VSNL1: variants seen among roughly 807,000 people sequenced by gnomAD.
VSNL1 encodes visinin like 1, also known as visinin-like protein 1.
Under a neutral mutation model 20.4 loss-of-function variants are expected in VSNL1, and 6 were observed. The ratio of observed to expected loss-of-function variants is 0.29; its 90% CI spans 0.16 to 0.58. VSNL1 has a LOEUF of 0.58. Among genes scored for constraint, VSNL1 ranks in the 20% least tolerant of loss-of-function variants. VSNL1 has a pLI of 0.90. For synonymous variants in VSNL1, 93 were observed against 86.4 expected (o/e 1.08, Z -0.42); for missense variants, 100 against 234.5 (o/e 0.43, Z 3.75).
At position 17,602,514 on chromosome 2, in the gene VSNL1, G is replaced by A. The variant is rs527449688; in HGVS notation, c.162+10278G>A. ...TCCCAGCACTTTGGGATGCCGAGGC[G>A]GGTGGATCACCTGAGGCCAGGAGTT... On this transcript the variant is annotated intron_variant, in intron 2 of 3. Coordinates refer to ENST00000295156, the MANE Select transcript of VSNL1 (RefSeq NM_003385.5). Among the ~76,000 whole-genome samples, 239 of 152,258 alleles carry A rather than the reference G, an allele frequency of 1.6e-3. 2 individuals are homozygous for A. Among genetic ancestry groups the A allele is most frequent in the Middle Eastern group, 0.014 (4 of 294 alleles).
intron 1 of VSNL1, among the ~76,000 whole-genome samples, chr2:17,581,007 G>A (rs1045805490): frequency 1.3e-5 from 2 of 152,154 alleles, no homozygotes; most frequent in African/African-American, 2.4e-5. Flanking sequence ...CAAACTTCCT[G>A]TGCACACAAG....
intron 2 of VSNL1, among the ~76,000 whole-genome samples, chr2:17,622,544 G>GAAAGAAAGAAAC (rs1665396148): frequency 3.4e-5 from 2 of 58,090 alleles, no homozygotes; most frequent in South Asian, 5.2e-4. Flanking sequence ...AAGAAAGAAA[G>GAAAGAAAGAAAC]AAAGAAAGAA....
intron 1 of VSNL1, among the ~76,000 whole-genome samples, chr2:17,585,324 G>A (rs1000928128): frequency 6.6e-6 from 1 of 151,834 alleles, no homozygotes; most frequent in Non-Finnish European, 1.5e-5. Flanking sequence ...CTTGGCTTCT[G>A]GAGGACAAAG....
chr2:17,632,276 GT>G (rs996643492), intron 2 of VSNL1, among the ~76,000 whole-genome samples: 3 of 150,952 alleles, frequency 2.0e-5, no homozygotes, highest in South Asian at 4.2e-4. Flanking sequence ...AATGGTCATT[GT>G]TTTTTTTTGT....
At chr2:17,638,957 G>A (rs2103419778) in intron 2 of VSNL1, among the ~76,000 whole-genome samples, 1 of 152,328 alleles carries the variant, frequency 6.6e-6, no homozygotes, top group South Asian at 2.1e-4. Context: ...ATGCCCTGGT[G>A]TGGCCATCCT....
intron 1 of VSNL1, 102 bp downstream of exon 1, chr2:17,541,020 T>TG (rs1663273504): frequency 6.6e-6 from 1 of 151,706 alleles, no homozygotes; most frequent in Admixed American, 6.6e-5. Flanking sequence ...TTTGCATAGA[T>TG]GCGTCTAAAT....
intron 1 of VSNL1, among the ~76,000 whole-genome samples, chr2:17,574,918 C>T (rs1664169721): frequency 6.6e-6 from 1 of 152,192 alleles, no homozygotes; most frequent in Admixed American, 6.5e-5. Context: ...AGGCACACAC[C>T]ACCATGCCCA....
In VSNL1 at chr2:17,630,776, A is replaced by AT. The variant is rs888002636; in HGVS notation, c.163-18625dup. On this transcript the variant is annotated intron_variant, in intron 2 of 3. Transcript: ENST00000295156. The stretch of plus-strand genomic sequence containing the variant: ...CATATATGGGGCAAAACGGCATTTT[A>AT]TTTTTTTTTAATTTATTTTTTTCAA... 4.4e-4 allele frequency among the ~76,000 whole-genome samples: 67 copies of AT among 151,772 alleles called. 1 individual carries two copies. Among genetic ancestry groups the AT allele is most frequent in the African/African-American group, 1.5e-3 (63 of 41,406 alleles).
At chr2:17,550,515 G>A (rs904853161) in intron 1 of VSNL1, among the ~76,000 whole-genome samples, 1 of 152,180 alleles carries the variant, frequency 6.6e-6, no homozygotes, top group South Asian at 2.1e-4. Flanking sequence ...AGCAACCACA[G>A]TCAAGCTCAC....
intron 1 of VSNL1, among the ~76,000 whole-genome samples, chr2:17,553,106 A>C (rs1572327491): frequency 6.6e-6 from 1 of 152,182 alleles, no homozygotes; most frequent in Non-Finnish European, 1.5e-5. Context: ...GGAAAGAAAA[A>C]GGAAAAATGG....
At chr2:17,591,930 G>A in intron 1 of VSNL1, 140 bp from the exon 2 acceptor site, 8 of 793,898 alleles carry the variant, frequency 1.0e-5, no homozygotes, top group Non-Finnish European at 1.6e-5. Context: ...AGTAGAAGGA[G>A]GCAGACTTGG....
At chr2:17,570,698 C>A (rs1189637335) in intron 1 of VSNL1, among the ~76,000 whole-genome samples, 1 of 152,080 alleles carries the variant, frequency 6.6e-6, no homozygotes, top group Admixed American at 6.6e-5. Context: ...GTGGTAGTAT[C>A]ATAATTTTAT....
chr2:17,631,321 C>G (rs553229948), intron 2 of VSNL1, among the ~76,000 whole-genome samples: 1 of 151,052 alleles, frequency 6.6e-6, no homozygotes, highest in Admixed American at 6.6e-5. Context: ...ATATAAAAAT[C>G]TAAACTTTTG....
At position 17,540,869 on chromosome 2, in the gene VSNL1, C is replaced by G. The variant is rs1178028155; in HGVS notation, c.-55C>G. 1 of 152,548 alleles carries G rather than the reference C, an allele frequency of 6.6e-6. No individual in the cohort carries two copies. The highest frequency in any genetic ancestry group is 1.5e-5 in the Non-Finnish European group (1 of 68,036). The allele number at this position is 152,548 out of a possible 1,614,324, so 9.4% of individuals were successfully genotyped here. A position where few individuals can be genotyped will look rare whatever the true frequency, so the allele number is the denominator to read the frequency against. On this transcript the variant is annotated 5_prime_UTR_variant, in exon 1 of 4. Transcript: ENST00000295156. ...ATTAAATATATATTTTTAAAAAGAACTGTTGAGTTTTATCATTTTCGTTAA... is the reference window on the plus strand; with the variant it reads ...ATTAAATATATATTTTTAAAAAGAAGTGTTGAGTTTTATCATTTTCGTTAA...
chr2:17,589,879 C>T (rs1031934103), intron 1 of VSNL1, among the ~76,000 whole-genome samples: 1 of 152,182 alleles, frequency 6.6e-6, no homozygotes, highest in Non-Finnish European at 1.5e-5. Context: ...GGCAGCCAGG[C>T]TGGCAAAGTG....
Position 17,610,652 on chromosome 2 carries a change from C to T in VSNL1, c.162+18416C>T, listed in dbSNP as rs1665062387. On this transcript the variant is annotated intron_variant, in intron 2 of 3. Transcript: ENST00000295156. ...AATGGAAACAAGCACACTGGCAAGA[C>T]ATTCCCCTTCCTGCCCATTAGTCAG... 3.9e-5 allele frequency among the ~76,000 whole-genome samples: 6 copies of T among 152,314 alleles called. 1 individual carries two copies. In the South Asian group the frequency reaches 1.2e-3, roughly 32 times the overall value.
chr2:17,582,971 C>T (rs189787622), intron 1 of VSNL1, among the ~76,000 whole-genome samples: 70 of 152,236 alleles, frequency 4.6e-4, no homozygotes, highest in Admixed American at 2.5e-3. Context: ...CATTTTACTT[C>T]TATAAAGCCA....
Position 17,649,774 on chromosome 2 carries a change from G to C in VSNL1, c.378+149G>C, listed in dbSNP as rs768043625. ...CTGGACTTCTCCTGCTTCTGTCCCC[G>C]CTGCAGCACAGTGCTGGGGAGGTCC... On this transcript the variant is annotated intron_variant, in intron 3 of 3. Transcript: ENST00000295156. The surrounding 1 kb of genome is among the most constrained non-coding windows in gnomAD (Gnocchi z 6.4). The C allele has an allele frequency of 1.3e-6, 1 of 779,150 alleles. No individual in the cohort carries two copies. Among genetic ancestry groups the C allele is most frequent in the African/African-American group, 1.7e-5 (1 of 57,648 alleles). The allele number at this position is 779,150 out of a possible 1,614,324, so 48.3% of individuals were successfully genotyped here. A position where few individuals can be genotyped will look rare whatever the true frequency, so the allele number is the denominator to read the frequency against.
At chr2:17,612,886 C>G (rs576372784) in intron 2 of VSNL1, among the ~76,000 whole-genome samples, 32 of 152,306 alleles carry the variant, frequency 2.1e-4, no homozygotes, top group African/African-American at 7.7e-4. Context: ...AGGCCCAGGG[C>G]TCAGTCCCCA....
Sources: gnomAD v4.1 joint callset for allele counts (sites outside exome capture counted in the v4.1 genomes callset) on GRCh38, gnomAD v4.1.1 for gene constraint, Gnocchi (gnomAD v3.1) non-coding constraint, MANE v1.5 for transcripts, NCBI Gene and HGNC (gene_info 2026-07-23, HGNC 2026-07-21) for gene names.